Variants in TLL1 observed in about 807,000 individuals in gnomAD.
TLL1 encodes tolloid like 1, also known as tolloid-like protein 1.
Under a neutral mutation model 128.2 loss-of-function variants are expected in TLL1, and 49 were observed. That is an observed-to-expected ratio of 0.38 (90% confidence interval 0.30 to 0.48). The LOEUF is 0.48. TLL1 is among the 20% of genes least tolerant of loss of function. The pLI is 0.96. For synonymous variants in TLL1, 454 were observed against 418.8 expected (o/e 1.08, Z -1.03); for missense variants, 1,123 against 1,242.0 (o/e 0.90, Z 1.44).
At chr4:165,888,543 C>T (rs1282071461) in intron 1 of TLL1, among the ~76,000 whole-genome samples, 2 of 151,688 alleles carry the variant, frequency 1.3e-5, no homozygotes, top group Non-Finnish European at 1.5e-5. Flanking sequence ...TCCTTTAATA[C>T]ACTGGAAAAT....
intron 11 of TLL1, among the ~76,000 whole-genome samples, chr4:166,042,606 C>T (rs1003794095): frequency 1.3e-5 from 2 of 152,150 alleles, no homozygotes; most frequent in African/African-American, 2.4e-5. Flanking sequence ...TTATTAAATG[C>T]TTTGTTTTAT....
intron 6 of TLL1, among the ~76,000 whole-genome samples, chr4:166,006,093 G>C (rs1041857699): frequency 6.6e-6 from 1 of 151,858 alleles, no homozygotes; most frequent in South Asian, 2.1e-4. Context: ...TTAAGATCAA[G>C]TCTTAGTCAA....
At chr4:165,912,802 C>A in intron 1 of TLL1, among the ~76,000 whole-genome samples, 1 of 151,874 alleles carries the variant, frequency 6.6e-6, no homozygotes, top group East Asian at 1.9e-4. Context: ...AAAAAAGTAT[C>A]TGTTTATACT....
intron 8 of TLL1, among the ~76,000 whole-genome samples, chr4:166,021,286 C>G (rs1246361050): frequency 2.6e-5 from 4 of 151,892 alleles, no homozygotes; most frequent in Non-Finnish European, 5.9e-5. Flanking sequence ...TTCATCTACC[C>G]AGCAGATATT....
intron 18 of TLL1, among the ~76,000 whole-genome samples, chr4:166,081,761 T>G (rs1741293815): frequency 6.6e-6 from 1 of 151,922 alleles, no homozygotes; most frequent in African/African-American, 2.4e-5. Flanking sequence ...TTTTACACTC[T>G]ACATCATGGC....
At chr4:165,975,446 AT>A (rs1425326843) in intron 1 of TLL1, among the ~76,000 whole-genome samples, 1 of 152,302 alleles carries the variant, frequency 6.6e-6, no homozygotes, top group African/African-American at 2.4e-5. Context: ...GCCTAGATAC[AT>A]TTACAAACAA....
At chr4:165,949,901 A>G (rs183682239) in intron 1 of TLL1, among the ~76,000 whole-genome samples, 9 of 152,232 alleles carry the variant, frequency 5.9e-5, no homozygotes, top group African/African-American at 2.2e-4. Flanking sequence ...AAATAATAAT[A>G]AAATGGCAGG....
At chr4:166,003,597 A>C (rs1737266504) in intron 6 of TLL1, 28 bp downstream of exon 6, 1 of 1,608,982 alleles carries the variant, frequency 6.2e-7, no homozygotes, top group South Asian at 1.1e-5. Flanking sequence ...TGTTGGGTTT[A>C]AGGCTGACTG....
intron 1 of TLL1, among the ~76,000 whole-genome samples, chr4:165,900,054 ATT>A (rs546256716): frequency 5.5e-4 from 70 of 126,902 alleles, no homozygotes; most frequent in African/African-American, 1.4e-3. Flanking sequence ...GCTTTCCCTG[ATT>A]TTTTTTTTTT....
chr4:165,912,833 A>G (rs778383608), intron 1 of TLL1, among the ~76,000 whole-genome samples: 25 of 152,170 alleles, frequency 1.6e-4, no homozygotes, highest in Admixed American at 1.3e-4. Flanking sequence ...TAAACACATC[A>G]TAGAAAATTA....
intron 2 of TLL1, 100 bp downstream of exon 2, chr4:165,989,591 C>A: frequency 1.2e-6 from 1 of 831,414 alleles, no homozygotes; most frequent in South Asian, 1.4e-5. Flanking sequence ...TCCTGTTGAT[C>A]AACTCTGACT....
rs546996408 is a variant in TLL1 at position 165,914,033 on chromosome 4, AGAG to A, written c.169+39961_169+39963del. Reference sequence around the variant, plus strand: ...TGAGACCTTGTCTCCAAAAAAAAAAAGAGAAAGCAATGTAGTAAGTCTCTAGAA... The same window carrying A: ...TGAGACCTTGTCTCCAAAAAAAAAAAAAAGCAATGTAGTAAGTCTCTAGAA... On this transcript the variant is annotated intron_variant, in intron 1 of 20. Coordinates refer to ENST00000061240, the MANE Select transcript of TLL1 (RefSeq NM_012464.5). Among the ~76,000 whole-genome samples, 651 of 151,830 alleles carry A rather than the reference AGAG, an allele frequency of 4.3e-3. 3 individuals are homozygous for A. Among genetic ancestry groups the A allele is most frequent in the African/African-American group, 0.014 (570 of 41,276 alleles).
intron 1 of TLL1, among the ~76,000 whole-genome samples, chr4:165,957,560 G>C (rs184824481): frequency 6.6e-6 from 1 of 151,828 alleles, no homozygotes; most frequent in East Asian, 1.9e-4. Context: ...TTGGTTACAT[G>C]AGTAAGTTGT....
intron 1 of TLL1, among the ~76,000 whole-genome samples, chr4:165,977,833 G>A (rs890276714): frequency 6.6e-6 from 1 of 152,074 alleles, no homozygotes; most frequent in Non-Finnish European, 1.5e-5. Flanking sequence ...TTCCCAAAAC[G>A]TAAATACAAA....
chr4:165,922,513 GCTTA>G (rs1733082244), intron 1 of TLL1, among the ~76,000 whole-genome samples: 1 of 151,454 alleles, frequency 6.6e-6, no homozygotes, highest in African/African-American at 2.4e-5. Flanking sequence ...TTCTTCCTTT[GCTTA>G]CTTGTTTTCT....
At chr4:165,964,184 G>T (rs1353219072) in intron 1 of TLL1, among the ~76,000 whole-genome samples, 1 of 152,124 alleles carries the variant, frequency 6.6e-6, no homozygotes. Flanking sequence ...GTCTGGGTTT[G>T]AATCTGTTCT....
chr4:166,100,006 C>T (rs545437197), intron 20 of TLL1, among the ~76,000 whole-genome samples: 35 of 152,250 alleles, frequency 2.3e-4, no homozygotes, highest in Admixed American at 3.9e-4. Flanking sequence ...GCTACAGAGA[C>T]ACTGTTCCAT....
At chr4:165,981,833 T>C (rs1736160482) in intron 1 of TLL1, among the ~76,000 whole-genome samples, 1 of 152,060 alleles carries the variant, frequency 6.6e-6, no homozygotes, top group Admixed American at 6.6e-5. Context: ...CATTTTTCAA[T>C]AAAGTGTATC....
At chr4:166,091,420 G>A (rs1286559604) in intron 19 of TLL1, 79 bp downstream of exon 19, 5 of 1,256,322 alleles carry the variant, frequency 4.0e-6, no homozygotes, top group Non-Finnish European at 4.5e-6. Flanking sequence ...TCAATAATAG[G>A]ATTGTAAATA....
Sources: gnomAD v4.1 joint callset for allele counts (sites outside exome capture counted in the v4.1 genomes callset) on GRCh38, gnomAD v4.1.1 for gene constraint, MANE v1.5 for transcripts, NCBI Gene and HGNC (gene_info 2026-07-23, HGNC 2026-07-21) for gene names.